DYNAP: variants seen among roughly 807,000 people sequenced by gnomAD.
The protein encoded by DYNAP is dynactin associated protein, also known as dynactin-associated protein.
In DYNAP, 7 loss-of-function variants were observed where a neutral mutation model predicts 8.5. The ratio of observed to expected loss-of-function variants is 0.82; its 90% CI spans 0.47 to 1.54. The LOEUF is 1.54. DYNAP is among the 40% of genes most tolerant of loss of function. The pLI is 0.01. For synonymous variants in DYNAP, 77 were observed against 77.9 expected (o/e 0.99, Z 0.06); for missense variants, 256 against 224.3 (o/e 1.14, Z -0.90).
upstream of DYNAP, among the ~76,000 whole-genome samples, chr18:54,587,386 TAAA>T: frequency 6.6e-6 from 1 of 152,014 alleles, no homozygotes; most frequent in East Asian, 1.9e-4. Context: ...GTCCTGGCTA[TAAA>T]AAAAATGTAA....
intron 2 of DYNAP, 152 bp downstream of exon 2, chr18:54,595,255 C>A: frequency 1.2e-6 from 1 of 840,704 alleles, no homozygotes; most frequent in Non-Finnish European, 1.6e-6. Flanking sequence ...AGGTACAAGT[C>A]ACTGTGAGGC....
At chr18:54,595,474 T>G (rs545501665) in intron 2 of DYNAP, among the ~76,000 whole-genome samples, 41 of 152,220 alleles carry the variant, frequency 2.7e-4, no homozygotes, top group African/African-American at 9.6e-4. Flanking sequence ...GATGGGAGAC[T>G]GTCATATTTA....
rs1271003614 is a variant in DYNAP at position 54,597,902 on chromosome 18, A to G, written c.312A>G (p.Val104=). Residue 104 remains valine, a synonymous_variant, in exon 3 of 3, where the codon GTA becomes GTG. Transcript: ENST00000648945. The part of the protein sequence containing the change: ...LACVIMTAIG[V]LIICLVNNKG... ...GTGTGATAATGACAGCAATTGGAGT[A>G]CTTATAATATGCTTGGTGAATAACA... 1.9e-6 allele frequency: 3 copies of G among 1,613,484 alleles called. No individual in the cohort carries two copies. In the African/African-American group the frequency reaches 4.0e-5, roughly 22 times the overall value.
upstream of DYNAP, chr18:54,591,219 A>T: frequency 3.1e-6 from 5 of 1,611,824 alleles, no homozygotes; most frequent in Non-Finnish European, 4.2e-6. Context: ...TTGCAGATAT[A>T]AAGGGCAATG....
intron 1 of DYNAP, 22 bp from the exon 2 acceptor site, chr18:54,594,917 C>G (rs1452164069): frequency 1.2e-6 from 2 of 1,600,246 alleles, no homozygotes; most frequent in Non-Finnish European, 1.7e-6. Context: ...GCTTCCTACT[C>G]ACTTCCACTC....
rs746558982 is a variant in DYNAP at position 54,597,870 on chromosome 18, T to G, written c.280T>G (p.Leu94Val). 18 of 1,613,468 alleles carry G rather than the reference T, an allele frequency of 1.1e-5. No individual in the cohort carries two copies. The highest frequency in any genetic ancestry group is 1.4e-5 in the Non-Finnish European group (16 of 1,179,694). ...GTGGAAAGTCTTCCTGGCTTGTCTCTTAGCCTGTGTGATAATGACAGCAAT... is the reference window on the plus strand; with the variant it reads ...GTGGAAAGTCTTCCTGGCTTGTCTCGTAGCCTGTGTGATAATGACAGCAAT... ...SMWKVFLACLLACVIMTAIGV... is the reference protein window; with the variant it reads ...SMWKVFLACLVACVIMTAIGV... Residue 94 changes from leucine to valine, a missense_variant, in exon 3 of 3, where the codon TTA becomes GTA. Coordinates refer to ENST00000648945, the MANE Select transcript of DYNAP (RefSeq NM_173629.3).
Position 54,591,355 on chromosome 18 carries a change from C to T in DYNAP, c.57+16C>T. ...AAACCAGCCGGTGAGTGTCCTTGCT[C>T]CATTTTGATAGTTTGCCTATATTAC... On this transcript the variant is annotated intron_variant, in intron 1 of 2. Coordinates refer to ENST00000648945, the MANE Select transcript of DYNAP (RefSeq NM_173629.3). The T allele has an allele frequency of 6.3e-7, 1 of 1,593,392 alleles. No homozygotes were observed.
upstream of DYNAP, among the ~76,000 whole-genome samples, chr18:54,583,691 A>G (rs558821932): frequency 6.6e-6 from 1 of 152,316 alleles, no homozygotes; most frequent in South Asian, 2.1e-4. Context: ...TACCTACTTA[A>G]TTAGTACTAT....
chr18:54,595,733 T>C (rs1012535753), intron 2 of DYNAP, among the ~76,000 whole-genome samples: 3 of 152,136 alleles, frequency 2.0e-5, no homozygotes, highest in Admixed American at 2.0e-4. Flanking sequence ...TATCTTTAAG[T>C]CTTCAGCCCT....
chr18:54,587,315 G>T (rs1404152148), upstream of DYNAP, among the ~76,000 whole-genome samples: 1 of 152,136 alleles, frequency 6.6e-6, no homozygotes, highest in Non-Finnish European at 1.5e-5. Flanking sequence ...TACTTGGGAT[G>T]CGGAGGTGGG....
At chr18:54,591,478 G>C in intron 1 of DYNAP, 139 bp downstream of exon 1, 1 of 975,800 alleles carries the variant, frequency 1.0e-6, no homozygotes, top group Non-Finnish European at 1.4e-6. Flanking sequence ...GAGCAACCCT[G>C]TATCAATTTT....
chr18:54,587,015 G>A (rs1282946951), upstream of DYNAP, among the ~76,000 whole-genome samples: 1 of 152,096 alleles, frequency 6.6e-6, no homozygotes, highest in Non-Finnish European at 1.5e-5. Flanking sequence ...TCAAAATTGA[G>A]TAAAAGGTAC....
the DYNAP span, among the ~76,000 whole-genome samples, chr18:54,578,812 T>A: frequency 6.6e-6 from 1 of 152,128 alleles, no homozygotes; most frequent in African/African-American, 2.4e-5. Context: ...TATTATTATT[T>A]TTTTGAGACA....
upstream of DYNAP, among the ~76,000 whole-genome samples, chr18:54,589,349 G>A: frequency 6.6e-6 from 1 of 152,108 alleles, no homozygotes; most frequent in East Asian, 1.9e-4. Flanking sequence ...CTCTGAGAAG[G>A]TAATGAGAGG....
At chr18:54,584,965 A>T (rs1910826562), upstream of DYNAP, among the ~76,000 whole-genome samples, 1 of 152,160 alleles carries the variant, frequency 6.6e-6, no homozygotes, top group Admixed American at 6.6e-5. Context: ...GACTTGGGGC[A>T]ATGGATGCTA....
the DYNAP span, among the ~76,000 whole-genome samples, chr18:54,579,754 A>T: frequency 6.6e-6 from 1 of 152,228 alleles, no homozygotes; most frequent in Non-Finnish European, 1.5e-5. Context: ...TGGTCTCCAG[A>T]TCTTTCTGAA....
At chr18:54,594,397 T>C (rs1356661053) in intron 1 of DYNAP, among the ~76,000 whole-genome samples, 1 of 152,158 alleles carries the variant, frequency 6.6e-6, no homozygotes, top group Non-Finnish European at 1.5e-5. Context: ...TAGTATAGTA[T>C]ATACTACATT....
intron 1 of DYNAP, 152 bp from the exon 2 acceptor site, chr18:54,594,787 C>A (rs1041804651): frequency 2.6e-6 from 2 of 771,264 alleles, no homozygotes; most frequent in Non-Finnish European, 3.8e-6. Flanking sequence ...ATATAATAAT[C>A]TGTCTAGATT....
chr18:54,599,060 C>T lies in DYNAP; in HGVS notation c.*915C>T, dbSNP rs560753398. 4 of 152,236 alleles carry T rather than the reference C, an allele frequency of 2.6e-5. No homozygotes were observed. The South Asian group carries it at 8.3e-4, about 32-fold the overall frequency. The allele number at this position is 152,236 out of a possible 1,614,324, so 9.4% of individuals were successfully genotyped here. On this transcript the variant is annotated 3_prime_UTR_variant, in exon 3 of 3. Transcript: ENST00000648945. Reference sequence around the variant, plus strand: ...CTTTGAGTTGTCCTGCCTTTCTGAACCAAGCCAATGTATTTCTTAAATGTA... The same window carrying T: ...CTTTGAGTTGTCCTGCCTTTCTGAATCAAGCCAATGTATTTCTTAAATGTA...
Sources: allele counts gnomAD v4.1 joint callset (sites outside exome capture counted in the v4.1 genomes callset), GRCh38; gene constraint gnomAD v4.1.1; transcripts MANE v1.5; gene names NCBI Gene and HGNC (gene_info 2026-07-23, HGNC 2026-07-21).